Variants in GPSM2 observed in about 807,000 individuals in gnomAD.
The protein encoded by GPSM2 is G protein signaling modulator 2.
Under a neutral mutation model 78.4 loss-of-function variants are expected in GPSM2, and 58 were observed. The ratio of observed to expected loss-of-function variants is 0.74; its 90% CI spans 0.60 to 0.92. GPSM2 has a LOEUF of 0.92. Among genes scored for constraint, GPSM2 ranks in the 40% least tolerant of loss-of-function variants. The probability of loss-of-function intolerance (pLI) is 0.00; values close to 1 mark genes in which losing one functional copy is unlikely to be tolerated. For missense variants in GPSM2, 700 were observed against 815.5 expected (o/e 0.86, Z 1.73); for synonymous variants, 224 against 280.2 (o/e 0.80, Z 2.00).
intron 12 of GPSM2, 129 bp downstream of exon 12, chr1:108,918,918 C>T: frequency 1.5e-6 from 1 of 682,500 alleles, no homozygotes; most frequent in Non-Finnish European, 2.6e-6. Flanking sequence ...TTCATATTTC[C>T]CTATCTTTTC....
intron 10 of GPSM2, chr1:108,910,068 C>T (rs985698080): frequency 6.6e-6 from 1 of 151,548 alleles, no homozygotes; most frequent in African/African-American, 2.4e-5. Context: ...AAATTTGGTT[C>T]CAAATTGTTT....
chr1:108,921,171 G>A (rs552923521), intron 12 of GPSM2, among the ~76,000 whole-genome samples: 4 of 152,248 alleles, frequency 2.6e-5, no homozygotes, highest in African/African-American at 7.2e-5. Flanking sequence ...TGCTACCCCA[G>A]CACATTGGGA....
At chr1:108,878,220 A>T (rs1665726723) in intron 1 of GPSM2, among the ~76,000 whole-genome samples, 1 of 152,194 alleles carries the variant, frequency 6.6e-6, no homozygotes. Context: ...AAACAACATT[A>T]AAAAGGGTAG....
At chr1:108,884,057 C>T (rs2101319689) in intron 1 of GPSM2, among the ~76,000 whole-genome samples, 1 of 152,190 alleles carries the variant, frequency 6.6e-6, no homozygotes, top group East Asian at 1.9e-4. Flanking sequence ...ATTCTCATGC[C>T]TCAGCCTCCT....
chr1:108,931,176 A>G lies in GPSM2; in HGVS notation c.*1236A>G. 1.2e-6 allele frequency: 1 copy of G among 845,328 alleles called. No individual in the cohort carries two copies. Among genetic ancestry groups the G allele is most frequent in the South Asian group, 2.3e-5 (1 of 42,996 alleles). The allele number at this position is 845,328 out of a possible 1,614,324, so 52.4% of individuals were successfully genotyped here. A position where few individuals can be genotyped will look rare whatever the true frequency, so the allele number is the denominator to read the frequency against. On this transcript the variant is annotated 3_prime_UTR_variant, in exon 15 of 15. Transcript: ENST00000264126. ...AGTTCTAATATAAAAACAAAAAACA[A>G]AACCCATGTGGTTAGGTCAAGAACC...
At chr1:108,922,725 A>G in intron 13 of GPSM2, 149 bp downstream of exon 13, 1 of 783,718 alleles carries the variant, frequency 1.3e-6, no homozygotes, top group Non-Finnish European at 2.2e-6. Flanking sequence ...ATACAGTTCA[A>G]ACAAGGTTTT....
chr1:108,900,118 A>G (rs934655314), intron 7 of GPSM2, among the ~76,000 whole-genome samples: 2 of 152,224 alleles, frequency 1.3e-5, no homozygotes, highest in African/African-American at 4.8e-5. Flanking sequence ...CTAAAGAAGC[A>G]TGAATATAAA....
intron 10 of GPSM2, among the ~76,000 whole-genome samples, chr1:108,910,579 G>A (rs540805549): frequency 2.8e-4 from 42 of 152,084 alleles, no homozygotes; most frequent in Admixed American, 2.2e-3. Context: ...TAAAACAAAC[G>A]GGGAGCCGGG....
intron 14 of GPSM2, among the ~76,000 whole-genome samples, chr1:108,927,614 TTACCTAA>T (rs1448200141): frequency 1.4e-4 from 21 of 152,154 alleles, no homozygotes; most frequent in Non-Finnish European, 2.5e-4. Flanking sequence ...AGTTGGACCC[TTACCTAA>T]TACCATATGC....
chr1:108,922,851 C>T (rs1420816315), intron 13 of GPSM2, among the ~76,000 whole-genome samples: 10 of 151,902 alleles, frequency 6.6e-5, no homozygotes, highest in African/African-American at 4.8e-5. Flanking sequence ...GACTGTGAGC[C>T]AGGTGTGGTG....
intron 14 of GPSM2, among the ~76,000 whole-genome samples, chr1:108,925,089 T>G (rs1437756060): frequency 6.6e-6 from 1 of 152,214 alleles, no homozygotes; most frequent in East Asian, 1.9e-4. Context: ...GACCTCTTAA[T>G]AAATTGAGTA....
intron 2 of GPSM2, among the ~76,000 whole-genome samples, chr1:108,895,858 A>G (rs1648320540): frequency 6.6e-6 from 1 of 152,214 alleles, no homozygotes; most frequent in Non-Finnish European, 1.5e-5. Context: ...TGGTGCCAAA[A>G]AGATTGGAGA....
At chr1:108,881,112 A>G (rs1665873826) in intron 1 of GPSM2, among the ~76,000 whole-genome samples, 1 of 152,222 alleles carries the variant, frequency 6.6e-6, no homozygotes. Flanking sequence ...AATGTGAGGC[A>G]GTTAGAGTTA....
intron 11 of GPSM2, among the ~76,000 whole-genome samples, chr1:108,918,379 C>A (rs549514659): frequency 8.5e-4 from 130 of 152,178 alleles, no homozygotes; most frequent in African/African-American, 3.0e-3. Flanking sequence ...TTCGTAGGTT[C>A]TTAAAAACCA....
chr1:108,884,688 T>A (rs79959305), intron 1 of GPSM2, among the ~76,000 whole-genome samples: 1 of 152,326 alleles, frequency 6.6e-6, no homozygotes, highest in East Asian at 1.9e-4. Context: ...TGTTCTTATT[T>A]TAGACTGAAT....
chr1:108,908,350 A>G (rs973551783), intron 10 of GPSM2, among the ~76,000 whole-genome samples: 39 of 148,442 alleles, frequency 2.6e-4, no homozygotes, highest in Admixed American at 5.4e-4. Flanking sequence ...CAGCCTGGGC[A>G]ACAGAGCGAG....
chr1:108,919,887 C>T (rs1257928160), intron 12 of GPSM2, among the ~76,000 whole-genome samples: 1 of 152,056 alleles, frequency 6.6e-6, no homozygotes, highest in African/African-American at 2.4e-5. Context: ...ATTTATCTGC[C>T]GGGTGCAGTG....
intron 2 of GPSM2, among the ~76,000 whole-genome samples, chr1:108,886,543 A>G (rs1301296526): frequency 6.6e-6 from 1 of 152,236 alleles, no homozygotes; most frequent in Non-Finnish European, 1.5e-5. Flanking sequence ...TGGATGCCCA[A>G]ATGGATTGTC....
chr1:108,878,009 C>T (rs1218279250), intron 1 of GPSM2, among the ~76,000 whole-genome samples: 1 of 152,150 alleles, frequency 6.6e-6, no homozygotes, highest in Non-Finnish European at 1.5e-5. Context: ...TCCTTTCTAT[C>T]GGGTTTGCAT....
Sources: gnomAD v4.1 joint callset for allele counts (sites outside exome capture counted in the v4.1 genomes callset) on GRCh38, gnomAD v4.1.1 for gene constraint, MANE v1.5 for transcripts, NCBI Gene and HGNC (gene_info 2026-07-23, HGNC 2026-07-21) for gene names.